STK38L: variants seen among roughly 807,000 people sequenced by gnomAD.
The protein encoded by STK38L is serine/threonine kinase 38 like.
Under a neutral mutation model 59.7 loss-of-function variants are expected in STK38L, and 28 were observed. That is an observed-to-expected ratio of 0.47 (90% confidence interval 0.35 to 0.64). The LOEUF (loss-of-function observed/expected upper bound fraction) is 0.64, where lower values mean the gene tolerates loss of function less well. Among genes scored for constraint, STK38L ranks in the 30% least tolerant of loss-of-function variants. The probability of loss-of-function intolerance (pLI) is 0.01; values close to 1 mark genes in which losing one functional copy is unlikely to be tolerated. For missense variants in STK38L, 314 were observed against 555.8 expected (o/e 0.56, Z 4.37); for synonymous variants, 162 against 176.8 (o/e 0.92, Z 0.66).
chr12:27,256,403 G>C (rs905569301), intron 1 of STK38L, among the ~76,000 whole-genome samples: 1 of 151,974 alleles, frequency 6.6e-6, no homozygotes. Flanking sequence ...TTGTACCTTC[G>C]GTCTCACACA....
At chr12:27,266,569 C>G (rs1209249156) in intron 1 of STK38L, among the ~76,000 whole-genome samples, 2 of 152,154 alleles carry the variant, frequency 1.3e-5, no homozygotes, top group Non-Finnish European at 2.9e-5. Flanking sequence ...CCCACATGTT[C>G]ATACAACACA....
intron 1 of STK38L, among the ~76,000 whole-genome samples, chr12:27,280,545 G>T (rs1191656979): frequency 6.6e-6 from 1 of 152,132 alleles, no homozygotes; most frequent in Non-Finnish European, 1.5e-5. Flanking sequence ...GCCTCTTGAG[G>T]CTACTTCAGG....
chr12:27,279,809 TA>T (rs1428467910), intron 1 of STK38L, among the ~76,000 whole-genome samples: 1 of 151,914 alleles, frequency 6.6e-6, no homozygotes, highest in African/African-American at 2.4e-5. Context: ...CAATTTTTTA[TA>T]AAGAGCTTGA....
At chr12:27,277,800 G>T (rs1197294908) in intron 1 of STK38L, among the ~76,000 whole-genome samples, 2 of 151,680 alleles carry the variant, frequency 1.3e-5, no homozygotes, top group Non-Finnish European at 2.9e-5. Flanking sequence ...TTAAAAAAAA[G>T]ATAAAACTTT....
chr12:27,256,024 CT>C (rs1261366595), intron 1 of STK38L, among the ~76,000 whole-genome samples: 1 of 152,216 alleles, frequency 6.6e-6, no homozygotes. Flanking sequence ...GGAAATCACC[CT>C]TGACTCGTCC....
chr12:27,309,307 T>C, intron 5 of STK38L, 110 bp downstream of exon 5: 1 of 610,282 alleles, frequency 1.6e-6, no homozygotes, highest in Non-Finnish European at 2.4e-6. Context: ...CTACATAAGC[T>C]ATTAATTTTT....
chr12:27,313,677 C>CT (rs146551972), intron 6 of STK38L, among the ~76,000 whole-genome samples: 10,501 of 152,126 alleles, frequency 0.069, 482 homozygotes, highest in Non-Finnish European at 0.1. Flanking sequence ...ACCACTGCCC[C>CT]TGGCTCCCTA....
At chr12:27,272,414 T>TTA in intron 1 of STK38L, among the ~76,000 whole-genome samples, 1 of 152,218 alleles carries the variant, frequency 6.6e-6, no homozygotes, top group East Asian at 1.9e-4. Context: ...GCCATGCGAT[T>TTA]TAAATATTAT....
chr12:27,279,587 G>A (rs183358668), intron 1 of STK38L, among the ~76,000 whole-genome samples: 1 of 151,756 alleles, frequency 6.6e-6, no homozygotes, highest in Admixed American at 6.6e-5. Context: ...TTAGCCGGGC[G>A]TGGTGGTGGG....
rs1944372114 is a variant in STK38L at position 27,308,585 on chromosome 12, G to C, written c.309+124G>C. ...CACGCCTGTAATCCCAATACTTTGG[G>C]AGGCCGAGGCGGGTGGATCGCCTGA... On this transcript the variant is annotated intron_variant, in intron 4 of 13. Transcript: ENST00000389032. This position sits in a 1 kb window ranked among gnomAD's most constrained non-coding sequence, Gnocchi z 4.5. 6 of 1,058,632 alleles carry C rather than the reference G, an allele frequency of 5.7e-6. No individual in the cohort carries two copies. Among genetic ancestry groups the C allele is most frequent in the Non-Finnish European group, 4.8e-6 (4 of 834,424 alleles). 65.6% of individuals were successfully genotyped at this position (1,058,632 alleles called of 1,614,324 possible).
At chr12:27,277,322 C>T (rs920289783) in intron 1 of STK38L, among the ~76,000 whole-genome samples, 2 of 150,220 alleles carry the variant, frequency 1.3e-5, no homozygotes, top group African/African-American at 4.9e-5. Flanking sequence ...TGAGACCAGC[C>T]TGGGTAATAG....
chr12:27,256,682 T>G (rs1943098526), intron 1 of STK38L, among the ~76,000 whole-genome samples: 1 of 152,230 alleles, frequency 6.6e-6, no homozygotes, highest in East Asian at 1.9e-4. Flanking sequence ...CATAGGACAG[T>G]GCTAACTGGA....
intron 1 of STK38L, among the ~76,000 whole-genome samples, chr12:27,295,823 T>A (rs1309760001): frequency 6.6e-6 from 1 of 152,212 alleles, no homozygotes; most frequent in African/African-American, 2.4e-5. Context: ...GCAGTAAGAC[T>A]TCAGCTAAAC....
chr12:27,259,074 C>T (rs554685475), intron 1 of STK38L, among the ~76,000 whole-genome samples: 3 of 152,168 alleles, frequency 2.0e-5, no homozygotes, highest in Non-Finnish European at 4.4e-5. Context: ...AGTTACTTGG[C>T]AAGACTTGTT....
At chr12:27,288,561 C>A (rs1343284990) in intron 1 of STK38L, among the ~76,000 whole-genome samples, 1 of 152,070 alleles carries the variant, frequency 6.6e-6, no homozygotes, top group Admixed American at 6.5e-5. Flanking sequence ...CCCAAATTCT[C>A]TAGATCACTG....
intron 1 of STK38L, among the ~76,000 whole-genome samples, chr12:27,291,341 T>TC (rs1943891404): frequency 6.6e-6 from 1 of 152,124 alleles, no homozygotes; most frequent in Admixed American, 6.5e-5. Flanking sequence ...CTCCTCTGAG[T>TC]CCATCTGACT....
intron 1 of STK38L, among the ~76,000 whole-genome samples, chr12:27,285,946 A>G (rs2136629917): frequency 6.6e-6 from 1 of 152,312 alleles, no homozygotes; most frequent in South Asian, 2.1e-4. Context: ...CACCAGTGGA[A>G]AAGCTATTTG....
chr12:27,285,477 C>T (rs977845210), intron 1 of STK38L, among the ~76,000 whole-genome samples: 1 of 152,172 alleles, frequency 6.6e-6, no homozygotes, highest in Non-Finnish European at 1.5e-5. Context: ...GCCTCACTCT[C>T]TATCTCTCAT....
At chr12:27,315,403 C>G (rs1393676359) in intron 9 of STK38L, 53 bp downstream of exon 9, 1 of 1,368,324 alleles carries the variant, frequency 7.3e-7, no homozygotes, top group African/African-American at 1.5e-5. Flanking sequence ...AAAATCTTAC[C>G]TGGTTTTAAC....
Sources: gnomAD v4.1 joint callset for allele counts (sites outside exome capture counted in the v4.1 genomes callset) on GRCh38, gnomAD v4.1.1 for gene constraint, Gnocchi (gnomAD v3.1) non-coding constraint, MANE v1.5 for transcripts, NCBI Gene and HGNC (gene_info 2026-07-23, HGNC 2026-07-21) for gene names.